Variants in MPPED2 observed in about 807,000 individuals in gnomAD.
The protein encoded by MPPED2 is metallophosphoesterase MPPED2.
A neutral mutation model predicts 33.0 loss-of-function variants in MPPED2; 5 were observed. That is an observed-to-expected ratio of 0.15 (90% CI 0.08 to 0.32). The LOEUF (loss-of-function observed/expected upper bound fraction) is 0.32, where lower values mean the gene tolerates loss of function less well. Ranked by LOEUF, MPPED2 falls within the 10% of genes least tolerant of loss-of-function variation. The pLI is 1.00. For missense variants in MPPED2, 275 were observed against 372.1 expected, an observed-to-expected ratio of 0.74 and a Z score of 2.15; for synonymous variants, 136 against 141.9, an observed-to-expected ratio of 0.96 and a Z score of 0.29.
intron 4 of MPPED2, among the ~76,000 whole-genome samples, chr11:30,462,847 T>A (rs578167733): frequency 6.6e-6 from 1 of 152,340 alleles, no homozygotes; most frequent in African/African-American, 2.4e-5. Context: ...TGGTATTTAT[T>A]TGATGAATGG....
chr11:30,479,963 C>G (rs557264259), intron 4 of MPPED2, among the ~76,000 whole-genome samples: 1 of 152,250 alleles, frequency 6.6e-6, no homozygotes, highest in African/African-American at 2.4e-5. Flanking sequence ...GCTACAGGGA[C>G]ACCCAAGTTT....
At chr11:30,451,800 G>A (rs1590325932) in intron 4 of MPPED2, 1 of 985,258 alleles carries the variant, frequency 1.0e-6, no homozygotes, top group East Asian at 1.1e-4. Flanking sequence ...GTCTGCGAAT[G>A]ACTGCAGATT....
intron 4 of MPPED2, among the ~76,000 whole-genome samples, chr11:30,471,808 CT>C (rs1950956815): frequency 6.6e-6 from 1 of 152,166 alleles, no homozygotes; most frequent in Non-Finnish European, 1.5e-5. Flanking sequence ...GAATAAGTTT[CT>C]ACCATTGATG....
chr11:30,456,978 T>C (rs1950305923), intron 4 of MPPED2, among the ~76,000 whole-genome samples: 1 of 152,214 alleles, frequency 6.6e-6, no homozygotes, highest in Non-Finnish European at 1.5e-5. Context: ...CGTATTCCTG[T>C]TAAAAATTAA....
At chr11:30,485,036 G>A (rs576463203) in intron 4 of MPPED2, among the ~76,000 whole-genome samples, 52 of 152,002 alleles carry the variant, frequency 3.4e-4, no homozygotes, top group African/African-American at 9.9e-4. Flanking sequence ...GTTACCTTTC[G>A]GGGAAAAAAA....
chr11:30,524,061 G>C (rs1230771929), intron 3 of MPPED2, among the ~76,000 whole-genome samples: 1 of 151,948 alleles, frequency 6.6e-6, no homozygotes, highest in Non-Finnish European at 1.5e-5. Context: ...GACCAGTCTG[G>C]CCAACATGGT....
At chr11:30,544,170 T>A (rs980747893) in intron 2 of MPPED2, among the ~76,000 whole-genome samples, 4 of 152,164 alleles carry the variant, frequency 2.6e-5, no homozygotes, top group African/African-American at 7.2e-5. Flanking sequence ...TTTATGTGCA[T>A]CAGGCTAACT....
intron 4 of MPPED2, 133 bp from the exon 5 acceptor site, chr11:30,417,766 AG>A (rs558461774): frequency 4.6e-5 from 28 of 613,380 alleles, no homozygotes; most frequent in Non-Finnish European, 7.4e-5. Flanking sequence ...CCCTGGCAGC[AG>A]GATGCTTTTT....
chr11:30,498,071 T>G (rs958409991), intron 3 of MPPED2, among the ~76,000 whole-genome samples: 103 of 151,842 alleles, frequency 6.8e-4, no homozygotes, highest in Admixed American at 1.4e-3. Context: ...TTTCGTTGTT[T>G]TTTTTTTTCC....
intron 2 of MPPED2, among the ~76,000 whole-genome samples, chr11:30,565,231 G>C (rs1357704076): frequency 6.6e-6 from 1 of 152,098 alleles, no homozygotes; most frequent in East Asian, 1.9e-4. Context: ...CTTTGAAGCT[G>C]TCCCTAATGA....
At chr11:30,393,950 C>T (rs1225387042) in intron 6 of MPPED2, among the ~76,000 whole-genome samples, 1 of 152,172 alleles carries the variant, frequency 6.6e-6, no homozygotes, top group African/African-American at 2.4e-5. Context: ...TGTAGTCATG[C>T]TTTGCCCCCA....
intron 3 of MPPED2, among the ~76,000 whole-genome samples, chr11:30,517,087 C>T (rs1953575400): frequency 6.6e-6 from 1 of 152,160 alleles, no homozygotes; most frequent in Admixed American, 6.6e-5. Context: ...TTGAATTACA[C>T]AGCCTGCTAA....
At chr11:30,567,085 A>G (rs1249186541) in intron 2 of MPPED2, among the ~76,000 whole-genome samples, 2 of 152,226 alleles carry the variant, frequency 1.3e-5, no homozygotes, top group Admixed American at 1.3e-4. Flanking sequence ...AGGTGTGCCT[A>G]GAAAGCTGGA....
chr11:30,559,949 G>A (rs889051287), intron 2 of MPPED2, among the ~76,000 whole-genome samples: 2 of 152,192 alleles, frequency 1.3e-5, no homozygotes, highest in African/African-American at 4.8e-5. Flanking sequence ...GCTGCCTGTT[G>A]CCTTGTGGAG....
chr11:30,578,407 G>C (rs1957023992), intron 2 of MPPED2, among the ~76,000 whole-genome samples: 1 of 152,182 alleles, frequency 6.6e-6, no homozygotes. Flanking sequence ...CTACACAGCT[G>C]TCTAGGTTGC....
chr11:30,487,029 G>A (rs1228919633), intron 4 of MPPED2, among the ~76,000 whole-genome samples: 1 of 152,170 alleles, frequency 6.6e-6, no homozygotes, highest in Non-Finnish European at 1.5e-5. Context: ...AGAAGACAGG[G>A]ACCAAGCATC....
intron 4 of MPPED2, among the ~76,000 whole-genome samples, chr11:30,436,566 A>G (rs540976955): frequency 6.6e-6 from 1 of 152,376 alleles, no homozygotes; most frequent in South Asian, 2.1e-4. Context: ...AGATAACAAA[A>G]GCACCTACCG....
chr11:30,550,927 G>T (rs1215909132), intron 2 of MPPED2, among the ~76,000 whole-genome samples: 1 of 152,148 alleles, frequency 6.6e-6, no homozygotes, highest in African/African-American at 2.4e-5. Flanking sequence ...CCCAAAGAAA[G>T]TTAACTACTT....
chr11:30,585,380 C>T (rs1957414891), intron 1 of MPPED2, among the ~76,000 whole-genome samples: 1 of 151,804 alleles, frequency 6.6e-6, no homozygotes, highest in Non-Finnish European at 1.5e-5. Context: ...GAGAGCGGCG[C>T]GCGCGGGCGG....
Sources: gnomAD v4.1 joint callset for allele counts (sites outside exome capture counted in the v4.1 genomes callset) on GRCh38, gnomAD v4.1.1 for gene constraint, MANE v1.5 for transcripts, NCBI Gene and HGNC (gene_info 2026-07-23, HGNC 2026-07-21) for gene names.